The following LRRC4C variants were observed in gnomAD, a reference collection of about 807,000 sequenced individuals.
The protein encoded by LRRC4C is leucine-rich repeat-containing protein 4C.
Under a neutral mutation model 33.6 loss-of-function variants are expected in LRRC4C, and 5 were observed. That is an observed-to-expected ratio of 0.15 (90% CI 0.08 to 0.31). LRRC4C has a LOEUF of 0.31. Ranked by LOEUF, LRRC4C falls within the 10% of genes least tolerant of loss-of-function variation. The probability of loss-of-function intolerance (pLI) is 1.00; values close to 1 mark genes in which losing one functional copy is unlikely to be tolerated. For synonymous variants in LRRC4C, 329 were observed against 302.0 expected (o/e 1.09, Z -0.93); for missense variants, 560 against 796.7 (o/e 0.70, Z 3.58).
At chr11:40,773,044 T>A (rs1236726066) in intron 2 of LRRC4C, among the ~76,000 whole-genome samples, 2 of 152,192 alleles carry the variant, frequency 1.3e-5, no homozygotes, top group South Asian at 2.1e-4. Context: ...TTCCTGTCAT[T>A]CACAATAACT....
chr11:41,038,158 C>T (rs1462225), intron 1 of LRRC4C, among the ~76,000 whole-genome samples: 96,142 of 152,042 alleles, frequency 0.63, 30,695 homozygotes, highest in South Asian at 0.68. Context: ...TCCTCAGGTG[C>T]GCCTCTGGAC....
chr11:40,810,213 T>G (rs1951428671), intron 2 of LRRC4C, among the ~76,000 whole-genome samples: 1 of 152,224 alleles, frequency 6.6e-6, no homozygotes, highest in African/African-American at 2.4e-5. Flanking sequence ...ATTATCTAAT[T>G]GACCTTGCAG....
intron 2 of LRRC4C, among the ~76,000 whole-genome samples, chr11:40,921,394 A>G (rs1198154271): frequency 1.3e-5 from 2 of 152,160 alleles, no homozygotes; most frequent in Non-Finnish European, 2.9e-5. Flanking sequence ...GAAGCTGAGA[A>G]TGACCTTCTG....
chr11:40,291,932 T>A (rs76770016), intron 4 of LRRC4C, among the ~76,000 whole-genome samples: 1 of 136,652 alleles, frequency 7.3e-6, no homozygotes, highest in African/African-American at 2.8e-5. Context: ...CTTGGGGAGC[T>A]TTTTTTTTTT....
intron 1 of LRRC4C, among the ~76,000 whole-genome samples, chr11:41,391,085 G>A (rs2137999311): frequency 6.6e-6 from 1 of 151,818 alleles, no homozygotes; most frequent in South Asian, 2.1e-4. Context: ...CTTGTTCAAG[G>A]TGTTCAAGGG....
At chr11:40,245,078 A>G (rs975000002) in intron 4 of LRRC4C, among the ~76,000 whole-genome samples, 1 of 152,016 alleles carries the variant, frequency 6.6e-6, no homozygotes, top group African/African-American at 2.4e-5. Context: ...AAATCCTGAT[A>G]TTTTTCATCC....
intron 2 of LRRC4C, among the ~76,000 whole-genome samples, chr11:40,751,729 T>A (rs1182273417): frequency 1.3e-5 from 2 of 152,060 alleles, no homozygotes; most frequent in Non-Finnish European, 2.9e-5. Context: ...AATGTTATTT[T>A]CCACAGAAAT....
intron 5 of LRRC4C, among the ~76,000 whole-genome samples, chr11:40,232,013 G>A (rs2136015448): frequency 6.6e-6 from 1 of 152,232 alleles, no homozygotes; most frequent in South Asian, 2.1e-4. Flanking sequence ...TAGCTAGGTA[G>A]TTTGTTTCTT....
At chr11:41,311,143 G>T (rs1034563650) in intron 1 of LRRC4C, among the ~76,000 whole-genome samples, 3 of 152,212 alleles carry the variant, frequency 2.0e-5, no homozygotes, top group African/African-American at 7.2e-5. Context: ...AGCTTGTGGA[G>T]CTGCTGATGA....
intron 4 of LRRC4C, among the ~76,000 whole-genome samples, chr11:40,311,067 G>A (rs1022580638): frequency 2.0e-5 from 3 of 152,112 alleles, no homozygotes; most frequent in African/African-American, 7.2e-5. Context: ...TCCATATTCT[G>A]TGCAACCATA....
chr11:40,660,275 C>A (rs1015241542), intron 2 of LRRC4C, among the ~76,000 whole-genome samples: 1 of 152,206 alleles, frequency 6.6e-6, no homozygotes, highest in Non-Finnish European at 1.5e-5. Flanking sequence ...TGCCACTCAG[C>A]ACCTGGATTG....
At chr11:40,265,303 C>T (rs1441151781) in intron 4 of LRRC4C, among the ~76,000 whole-genome samples, 16 of 152,120 alleles carry the variant, frequency 1.1e-4, no homozygotes, top group Admixed American at 8.5e-4. Flanking sequence ...CATTTATGTG[C>T]GGACTTTCCC....
chr11:40,759,956 CAACAACA>C (rs1949124636), intron 2 of LRRC4C, among the ~76,000 whole-genome samples: 2 of 89,434 alleles, frequency 2.2e-5, no homozygotes, highest in Admixed American at 1.2e-4. Flanking sequence ...AAACAAACAA[CAACAACA>C]AAAAAAAAAA....
In LRRC4C at chr11:40,665,320, A is replaced by C. The variant is rs867993585; in HGVS notation, c.-406-17042T>G. 1.6e-3 allele frequency among the ~76,000 whole-genome samples: 26 copies of C among 15,844 alleles called. No homozygotes were observed. In the East Asian group the frequency reaches 0.067, roughly 41 times the overall value. The allele number at this position is 15,844 out of a possible 152,430, so 10.4% of individuals were successfully genotyped here. ...GTCATTGCTTTCTTAAAAAAAAAAA[A>C]AAAAAATATATATATATATATATAT... is the stretch of plus-strand genomic sequence containing the variant. On this transcript the variant is annotated intron_variant, in intron 2 of 6. Coordinates refer to ENST00000528697, the MANE Select transcript of LRRC4C (RefSeq NM_001258419.2).
chr11:40,436,841 A>G (rs1452418824), intron 3 of LRRC4C, among the ~76,000 whole-genome samples: 2 of 152,096 alleles, frequency 1.3e-5, no homozygotes, highest in Admixed American at 6.5e-5. Flanking sequence ...TGGAGTTCCC[A>G]ACTGAGGCTG....
intron 2 of LRRC4C, among the ~76,000 whole-genome samples, chr11:40,680,550 C>T (rs1333242129): frequency 6.6e-6 from 1 of 152,082 alleles, no homozygotes; most frequent in Non-Finnish European, 1.5e-5. Flanking sequence ...ATGCTGTTCT[C>T]GTGATACTGA....
intron 2 of LRRC4C, among the ~76,000 whole-genome samples, chr11:40,884,392 G>A (rs1955333285): frequency 6.6e-6 from 1 of 151,986 alleles, no homozygotes; most frequent in Non-Finnish European, 1.5e-5. Flanking sequence ...ATGTTTATTT[G>A]TAGTAGAATA....
chr11:41,185,337 G>A (rs1006751809), intron 1 of LRRC4C, among the ~76,000 whole-genome samples: 1 of 152,038 alleles, frequency 6.6e-6, no homozygotes. Context: ...GAAAAAACAA[G>A]AGATCCACCC....
chr11:40,138,163 A>AT (rs1355852814), intron 6 of LRRC4C, among the ~76,000 whole-genome samples: 2 of 146,756 alleles, frequency 1.4e-5, no homozygotes, highest in Admixed American at 6.7e-5. Context: ...TGGATGTGAC[A>AT]TTTTTTCTTT....
Sources: gnomAD v4.1 joint callset for allele counts (sites outside exome capture counted in the v4.1 genomes callset) on GRCh38, gnomAD v4.1.1 for gene constraint, MANE v1.5 for transcripts, NCBI Gene and HGNC (gene_info 2026-07-23, HGNC 2026-07-21) for gene names.